The following FBXW8 variants were observed in gnomAD, a reference collection of about 807,000 sequenced individuals.
The protein encoded by FBXW8 is F-box/WD repeat-containing protein 8.
Under a neutral mutation model 65.3 loss-of-function variants are expected in FBXW8, and 57 were observed. The observed-to-expected ratio is 0.87, with a 90% CI of 0.71 to 1.09. The LOEUF (loss-of-function observed/expected upper bound fraction) is 1.09, where lower values mean the gene tolerates loss of function less well. Among genes scored for constraint, FBXW8 ranks in the 50% least tolerant of loss-of-function variants. The pLI is 0.00. For synonymous variants in FBXW8, 308 were observed against 330.2 expected (o/e 0.93, Z 0.73); for missense variants, 777 against 814.8 (o/e 0.95, Z 0.57).
intron 4 of FBXW8, among the ~76,000 whole-genome samples, chr12:116,960,690 G>A (rs887884720): frequency 6.6e-6 from 1 of 152,186 alleles, no homozygotes; most frequent in African/African-American, 2.4e-5. Context: ...AAGCCAGTCA[G>A]GTTGTTACCT....
intron 4 of FBXW8, among the ~76,000 whole-genome samples, chr12:116,954,491 A>G (rs1054572503): frequency 6.6e-6 from 1 of 152,206 alleles, no homozygotes; most frequent in Non-Finnish European, 1.5e-5. Flanking sequence ...TATGTTATGA[A>G]TATTTTATGT....
At chr12:116,967,641 T>G (rs1210407946) in intron 5 of FBXW8, among the ~76,000 whole-genome samples, 1 of 152,274 alleles carries the variant, frequency 6.6e-6, no homozygotes, top group Non-Finnish European at 1.5e-5. Context: ...TTTCTTTCTC[T>G]GCAAATTGTT....
chr12:117,008,252 AGAACACTT>A (rs1254697712), intron 7 of FBXW8, among the ~76,000 whole-genome samples: 2 of 152,248 alleles, frequency 1.3e-5, no homozygotes, highest in Non-Finnish European at 2.9e-5. Flanking sequence ...TAAAAACAAG[AGAACACTT>A]GAAAGTGGAT....
At chr12:117,008,168 C>T (rs1352816830) in intron 7 of FBXW8, among the ~76,000 whole-genome samples, 2 of 152,210 alleles carry the variant, frequency 1.3e-5, no homozygotes, top group Non-Finnish European at 2.9e-5. Flanking sequence ...TATCAGATTT[C>T]AGTTCTTAGA....
chr12:117,024,157 C>T lies in FBXW8; in HGVS notation c.1378C>T (p.His460Tyr). 6.2e-7 allele frequency: 1 copy of T among 1,613,618 alleles called. No individual in the cohort carries two copies. Among genetic ancestry groups the T allele is most frequent in the South Asian group, 1.1e-5 (1 of 91,054 alleles). The change falls in exon 9 of 11, where the codon CAC (histidine) becomes TAC (tyrosine). Residue 460 changes from histidine (H) to tyrosine (Y), a missense_variant. His to Tyr is a moderately conservative substitution (Grantham distance 83). Transcript: ENST00000652555. Reference sequence around the variant, plus strand: ...CCTGGGCCTGTCCAGGGTGAGGATCCACGACCTCCGCAGTGGTAACATCGC... The same window carrying T: ...CCTGGGCCTGTCCAGGGTGAGGATCTACGACCTCCGCAGTGGTAACATCGC... Reference protein sequence around the residue: ...SGNMDGRVRIHDLRSGNIALS... With the variant: ...SGNMDGRVRIYDLRSGNIALS...
chr12:116,992,569 T>A (rs1368926746), intron 7 of FBXW8, among the ~76,000 whole-genome samples: 1 of 152,154 alleles, frequency 6.6e-6, no homozygotes. Flanking sequence ...AGTACCCTTC[T>A]GAGTCTCTAG....
intron 1 of FBXW8, among the ~76,000 whole-genome samples, chr12:116,924,175 TGTTGTCCATTTTCATGTTTTTAAGTCA>T (rs1300053739): frequency 1.6e-4 from 4 of 24,488 alleles, no homozygotes; most frequent in Non-Finnish European, 6.8e-4. Flanking sequence ...TTTAAGTCAG[TGTTGTCCATTTTCATGTTTTTAAGTCA>T]GTGTAGAGTT....
intron 1 of FBXW8, among the ~76,000 whole-genome samples, chr12:116,917,593 T>G (rs1349674392): frequency 1.3e-5 from 2 of 152,240 alleles, no homozygotes; most frequent in African/African-American, 4.8e-5. Context: ...AAGTTAGCAA[T>G]CAAAAGTGAA....
In FBXW8 at chr12:116,964,776, G is replaced by C; in HGVS notation, c.757G>C (p.Glu253Gln). 1 of 1,613,518 alleles carries C rather than the reference G, an allele frequency of 6.2e-7. No individual in the cohort carries two copies. The highest frequency in any genetic ancestry group is 8.5e-7 in the Non-Finnish European group (1 of 1,180,014). Residue 253 changes from glutamate (E) to glutamine (Q), a missense_variant, in exon 5 of 11, where the codon GAG (glutamate) becomes CAG (glutamine). Glu to Gln is a conservative substitution (Grantham distance 29). Coordinates refer to ENST00000652555, the MANE Select transcript of FBXW8 (RefSeq NM_153348.3). ...CCCCTTCCTGGAATCAGAGGACGAG[G>C]AGGATGAGCCTGGAATGCAGCCAAA... is the stretch of plus-strand genomic sequence containing the variant. Reference protein sequence around the residue: ...VAPFLESEDEEDEPGMQPNVS... With the variant: ...VAPFLESEDEQDEPGMQPNVS...
chr12:116,928,297 C>G (rs1341448249), intron 2 of FBXW8, among the ~76,000 whole-genome samples, 170 bp downstream of exon 2: 1 of 152,196 alleles, frequency 6.6e-6, no homozygotes, highest in Admixed American at 6.5e-5. Flanking sequence ...GGATTATGTT[C>G]CACATCACTA....
chr12:117,023,266 T>C (rs1239209588), intron 8 of FBXW8, among the ~76,000 whole-genome samples: 1 of 152,208 alleles, frequency 6.6e-6, no homozygotes, highest in Non-Finnish European at 1.5e-5. Context: ...TAATCTTACA[T>C]CCTTGTGCTT....
At position 117,024,202 on chromosome 12, in the gene FBXW8, C is replaced by T. The variant is rs753013450; in HGVS notation, c.1423C>T (p.Gln475Ter). 1.2e-6 allele frequency: 2 copies of T among 1,614,198 alleles called. No homozygotes were observed. The highest frequency in any genetic ancestry group is 2.2e-5 in the South Asian group (2 of 91,086). Residue 475 changes from glutamine (Q) to a stop codon, truncating the protein, a stop_gained, in exon 9 of 11, where the codon CAG (glutamine) becomes TAG (stop). Coordinates refer to ENST00000652555, the MANE Select transcript of FBXW8 (RefSeq NM_153348.3). LOFTEE classifies it high-confidence loss of function. ...CATCGCCCTGTCGCTCTCCGCCCATCAGCTCAGGGTCTCTGCTGTGCAGAT... is the reference window on the plus strand; with the variant it reads ...CATCGCCCTGTCGCTCTCCGCCCATTAGCTCAGGGTCTCTGCTGTGCAGAT... Reference protein sequence around the residue: ...GNIALSLSAHQLRVSAVQMDD... With the variant: ...GNIALSLSAH
At chr12:116,922,812 G>GT (rs533344567) in intron 1 of FBXW8, among the ~76,000 whole-genome samples, 370 of 151,530 alleles carry the variant, frequency 2.4e-3, no homozygotes, top group African/African-American at 8.3e-3. Flanking sequence ...GTGTGTGTGT[G>GT]TTTTTTTTCC....
At chr12:116,976,636 T>G (rs575774805) in intron 5 of FBXW8, among the ~76,000 whole-genome samples, 564 of 150,932 alleles carry the variant, frequency 3.7e-3, no homozygotes, top group Non-Finnish European at 6.4e-3. Context: ...TTTTTTTTTT[T>G]TGTATTTTTA....
intron 7 of FBXW8, among the ~76,000 whole-genome samples, chr12:117,003,759 G>A (rs1953601955): frequency 6.6e-6 from 1 of 152,194 alleles, no homozygotes; most frequent in South Asian, 2.1e-4. Flanking sequence ...TTGAGGATAT[G>A]ACTGGTTTTG....
chr12:117,023,491 C>T (rs561648235), intron 8 of FBXW8, among the ~76,000 whole-genome samples: 39 of 152,210 alleles, frequency 2.6e-4, no homozygotes, highest in Non-Finnish European at 4.9e-4. Context: ...AATTTATCCT[C>T]GTGAAAAATT....
chr12:116,939,819 G>C (rs1207466005), intron 2 of FBXW8, among the ~76,000 whole-genome samples: 1 of 152,176 alleles, frequency 6.6e-6, no homozygotes, highest in Non-Finnish European at 1.5e-5. Flanking sequence ...GACTACTCAG[G>C]TTGTGGCCTG....
chr12:116,999,713 G>A (rs527764267), intron 7 of FBXW8, among the ~76,000 whole-genome samples: 3 of 152,200 alleles, frequency 2.0e-5, no homozygotes, highest in Non-Finnish European at 2.9e-5. Flanking sequence ...TAGACTGTGG[G>A]GAGTCAGGCC....
At chr12:116,991,116 G>C (rs1336749512) in intron 7 of FBXW8, among the ~76,000 whole-genome samples, 1 of 152,212 alleles carries the variant, frequency 6.6e-6, no homozygotes, top group African/African-American at 2.4e-5. Flanking sequence ...GTAGCATTTA[G>C]TCATCCACAT....
Sources: allele counts gnomAD v4.1 joint callset (sites outside exome capture counted in the v4.1 genomes callset), GRCh38; gene constraint gnomAD v4.1.1; transcripts MANE v1.5; gene names NCBI Gene and HGNC (gene_info 2026-07-23, HGNC 2026-07-21).